OTOA: variants seen among roughly 807,000 people sequenced by gnomAD.
OTOA encodes the protein otoancorin, also known as cancer/testis antigen 108.
Under a neutral mutation model 110.8 loss-of-function variants are expected in OTOA, and 70 were observed. That is an observed-to-expected ratio of 0.63 (90% confidence interval 0.52 to 0.77). The LOEUF is 0.77. Among genes scored for constraint, OTOA ranks in the 30% least tolerant of loss-of-function variants. The probability of loss-of-function intolerance (pLI) is 0.00; values close to 1 mark genes in which losing one functional copy is unlikely to be tolerated. For synonymous variants in OTOA, 373 were observed against 431.5 expected (o/e 0.86, Z 1.68); for missense variants, 917 against 1,075.8 (o/e 0.85, Z 2.06).
At chr16:21,717,181 G>GT (rs1406218090) in intron 15 of OTOA, 134 bp downstream of exon 15, 2 of 1,327,762 alleles carry the variant, frequency 1.5e-6, no homozygotes, top group Non-Finnish European at 2.1e-6. Context: ...GAATAGTATA[G>GT]TGTTAAGAAT....
At chr16:21,698,260 A>G (rs1406479037) in intron 10 of OTOA, among the ~76,000 whole-genome samples, 5 of 152,180 alleles carry the variant, frequency 3.3e-5, no homozygotes, top group Non-Finnish European at 7.4e-5. Context: ...TCAAAGCAAA[A>G]GCAAAATGGA....
intron 21 of OTOA, among the ~76,000 whole-genome samples, chr16:21,732,985 C>A (rs1899164001): frequency 1.0e-5 from 1 of 95,524 alleles, no homozygotes; most frequent in Non-Finnish European, 2.1e-5. Flanking sequence ...GTAATACATG[C>A]TCCTGGTTAA....
chr16:21,699,011 C>T (rs1042935546), intron 10 of OTOA, among the ~76,000 whole-genome samples: 10 of 152,134 alleles, frequency 6.6e-5, no homozygotes, highest in African/African-American at 2.2e-4. Flanking sequence ...AGTGCAGTGG[C>T]GTGATCTCAG....
At chr16:21,711,229 T>C (rs892774395) in intron 13 of OTOA, among the ~76,000 whole-genome samples, 4 of 152,138 alleles carry the variant, frequency 2.6e-5, no homozygotes, top group Non-Finnish European at 4.4e-5. Context: ...CAAAAAGTAA[T>C]TGCGGTTTTT....
At chr16:21,721,884 T>G (rs1898753331) in intron 17 of OTOA, among the ~76,000 whole-genome samples, 1 of 151,800 alleles carries the variant, frequency 6.6e-6, no homozygotes, top group Non-Finnish European at 1.5e-5. Context: ...AGAGTGAGAC[T>G]CTATCTCTAA....
At chr16:21,708,387 C>A (rs1898256776) in intron 12 of OTOA, among the ~76,000 whole-genome samples, 5 of 152,154 alleles carry the variant, frequency 3.3e-5, no homozygotes, top group Admixed American at 2.6e-4. Flanking sequence ...CTGCTGCTCA[C>A]CTCCTGCTGT....
chr16:21,672,808 A>G (rs1567360076), intron 1 of OTOA, among the ~76,000 whole-genome samples: 2 of 152,120 alleles, frequency 1.3e-5, no homozygotes, highest in African/African-American at 4.8e-5. Context: ...ATTATTGTTA[A>G]CTATTGTCAT....
intron 17 of OTOA, 55 bp from the exon 18 acceptor site, chr16:21,722,850 T>C: frequency 2.0e-6 from 3 of 1,497,456 alleles, no homozygotes. Context: ...TGGAAAGCAC[T>C]GTGTTTGTTC....
At chr16:21,679,886 C>T (rs940526776) in intron 5 of OTOA, among the ~76,000 whole-genome samples, 1 of 152,132 alleles carries the variant, frequency 6.6e-6, no homozygotes, top group African/African-American at 2.4e-5. Context: ...GGGATGTGAA[C>T]CAGTGGCCTG....
At chr16:21,700,728 A>AAG (rs1255852285) in intron 10 of OTOA, among the ~76,000 whole-genome samples, 160 bp from the exon 11 acceptor site, 1 of 151,034 alleles carries the variant, frequency 6.6e-6, no homozygotes, top group Non-Finnish European at 1.5e-5. Flanking sequence ...CCATCTCAAA[A>AAG]AAAAAAAAAA....
chr16:21,714,935 G>T (rs777910409), intron 13 of OTOA, 50 bp from the exon 14 acceptor site: 6 of 1,611,780 alleles, frequency 3.7e-6, no homozygotes, highest in Non-Finnish European at 8.5e-7. Context: ...GCACGTTGGA[G>T]AGGTGAAAGG....
At chr16:21,701,679 T>C (rs1036835784) in intron 11 of OTOA, among the ~76,000 whole-genome samples, 3 of 152,098 alleles carry the variant, frequency 2.0e-5, no homozygotes, top group African/African-American at 7.2e-5. Flanking sequence ...AGTGCAGTGA[T>C]GTGACCTTGG....
rs1274374375 is a variant in OTOA at position 21,685,274 on chromosome 16, G to A, written c.312G>A (p.Gln104=). 8 of 1,613,294 alleles carry A rather than the reference G, an allele frequency of 5.0e-6. No individual in the cohort carries two copies. Among genetic ancestry groups the A allele is most frequent in the Admixed American group, 3.3e-5 (2 of 59,994 alleles). ...NHLEQRLHQP[Q]KLLEDLRKTD... ...TGGAGCAGCGTCTGCACCAGCCCCA[G>A]AAGCTGCTGGAGGACCTGAGGAAGA... is the stretch of plus-strand genomic sequence containing the variant. The change falls in exon 7 of 29, where the codon CAG becomes CAA. Residue 104 remains glutamine (Q), a synonymous_variant. Transcript: ENST00000646100.
intron 9 of OTOA, among the ~76,000 whole-genome samples, chr16:21,694,748 G>A (rs1897897968): frequency 6.6e-6 from 1 of 152,124 alleles, no homozygotes; most frequent in Non-Finnish European, 1.5e-5. Context: ...TGGAGGATGG[G>A]GAATGCCAAT....
At chr16:21,673,669 C>T (rs981047709) in intron 1 of OTOA, among the ~76,000 whole-genome samples, 7 of 152,158 alleles carry the variant, frequency 4.6e-5, no homozygotes, top group African/African-American at 7.2e-5. Context: ...TATTCAATGG[C>T]GTGGACATAC....
At position 21,758,035 on chromosome 16, in the gene OTOA, G is replaced by A. The variant is rs1246880164; in HGVS notation, c.3349+758G>A. ...TAGATAAGGCCCTCTTGTAAATGAA[G>A]AAGATATTTCAAATCTGACAAGACC... is the stretch of plus-strand genomic sequence containing the variant. On this transcript the variant is annotated intron_variant, in intron 28 of 28. Transcript: ENST00000646100. Among the ~76,000 whole-genome samples the A allele has an allele frequency of 2.0e-5, 3 of 152,174 alleles. No individual in the cohort carries two copies. In the East Asian group the frequency reaches 5.8e-4, roughly 29 times the overall value.
intron 1 of OTOA, among the ~76,000 whole-genome samples, chr16:21,673,928 G>T (rs981139630): frequency 2.0e-5 from 3 of 152,006 alleles, no homozygotes; most frequent in Non-Finnish European, 2.9e-5. Context: ...CTCCCAAGTA[G>T]CTGGGACTAC....
intron 12 of OTOA, among the ~76,000 whole-genome samples, chr16:21,708,041 A>G (rs1898245690): frequency 6.6e-6 from 1 of 151,754 alleles, no homozygotes; most frequent in Non-Finnish European, 1.5e-5. Context: ...TCCGCCTGCC[A>G]TGGCCTCTTA....
chr16:21,691,607 A>G lies in OTOA; in HGVS notation c.659A>G (p.Tyr220Cys). 6.2e-7 allele frequency: 1 copy of G among 1,613,858 alleles called. No homozygotes were observed. The highest frequency in any genetic ancestry group is 1.1e-5 in the South Asian group (1 of 91,070). The change falls in exon 9 of 29, where the codon TAC becomes TGC. Residue 220 changes from tyrosine (Y) to cysteine (C), a missense_variant. By Grantham distance (194) the Tyr-to-Cys change is radical (BLOSUM62 -2). This residue lies in a region of OTOA where 840 missense variants were observed against 910.2 expected (regional missense o/e 0.92). Coordinates refer to ENST00000646100, the MANE Select transcript of OTOA (RefSeq NM_144672.4). ...KNLSAVFKDL[Y>C]DKTSAHSQRA... The stretch of plus-strand genomic sequence containing the variant: ...AGATCTGCAGTGTTCAAAGATCTCT[A>G]CGACAAAACCTCGGCTCATTCCCAG...
Sources: gnomAD v4.1 joint callset for allele counts (sites outside exome capture counted in the v4.1 genomes callset) on GRCh38, gnomAD v4.1.1 for gene constraint, gnomAD v4.1.1 regional missense constraint, MANE v1.5 for transcripts, NCBI Gene and HGNC (gene_info 2026-07-23, HGNC 2026-07-21) for gene names.